UVRAG: variants seen among roughly 807,000 people sequenced by gnomAD.
UVRAG encodes the protein UV radiation resistance associated, also known as UV radiation resistance-associated gene protein.
UVRAG carries 19 observed loss-of-function variants against 78.0 expected under a neutral mutation model. That is an observed-to-expected ratio of 0.24 (90% CI 0.17 to 0.36). The LOEUF (loss-of-function observed/expected upper bound fraction) is 0.36. Among genes scored for constraint, UVRAG ranks in the 10% least tolerant of loss-of-function variants. The probability of loss-of-function intolerance (pLI) is 1.00; values close to 1 mark genes in which losing one functional copy is unlikely to be tolerated. For missense variants in UVRAG, 740 were observed against 853.8 expected (o/e 0.87, Z 1.66); for synonymous variants, 323 against 324.6 (o/e 1.00, Z 0.05).
intron 2 of UVRAG, among the ~76,000 whole-genome samples, chr11:75,856,654 T>C (rs938808002): frequency 3.9e-5 from 6 of 152,124 alleles, no homozygotes; most frequent in African/African-American, 1.4e-4. Flanking sequence ...CCATGTTGTC[T>C]AGGCTGGTCC....
intron 1 of UVRAG, among the ~76,000 whole-genome samples, chr11:75,846,897 C>T (rs1470844420): frequency 2.6e-5 from 4 of 151,936 alleles, no homozygotes; most frequent in African/African-American, 9.7e-5. Flanking sequence ...GATCTCAGCT[C>T]ACTGCAACCT....
intron 6 of UVRAG, among the ~76,000 whole-genome samples, chr11:75,938,897 A>G (rs1302981374): frequency 6.6e-6 from 1 of 151,962 alleles, no homozygotes. Flanking sequence ...GGACTCCTAA[A>G]TCTTTCTTCT....
chr11:75,843,326 A>C (rs956308928), intron 1 of UVRAG, among the ~76,000 whole-genome samples: 1 of 152,240 alleles, frequency 6.6e-6, no homozygotes, highest in Non-Finnish European at 1.5e-5. Flanking sequence ...ATGTTTAATA[A>C]AGTGAAACAT....
chr11:76,065,897 A>G, intron 13 of UVRAG, 109 bp downstream of exon 13: 1 of 927,778 alleles, frequency 1.1e-6, no homozygotes, highest in Non-Finnish European at 1.7e-6. Flanking sequence ...CCTCGCATTT[A>G]ACCAGTTACA....
chr11:76,036,516 G>T (rs1020247825), intron 12 of UVRAG, among the ~76,000 whole-genome samples: 2 of 152,042 alleles, frequency 1.3e-5, no homozygotes, highest in African/African-American at 4.8e-5. Context: ...ACTTCAACTT[G>T]TGCAATAGAG....
chr11:76,051,271 C>T (rs1316102773), intron 12 of UVRAG, among the ~76,000 whole-genome samples: 19 of 150,798 alleles, frequency 1.3e-4, no homozygotes, highest in African/African-American at 4.4e-4. Flanking sequence ...TTTTTCTTAA[C>T]ATTTACAGAT....
chr11:76,034,501 A>G (rs1591158599), intron 12 of UVRAG, among the ~76,000 whole-genome samples: 1 of 152,102 alleles, frequency 6.6e-6, no homozygotes, highest in East Asian at 1.9e-4. Flanking sequence ...CACCTGGCCC[A>G]TTATTTTATT....
At chr11:75,967,830 C>G (rs937375253) in intron 7 of UVRAG, among the ~76,000 whole-genome samples, 3 of 152,116 alleles carry the variant, frequency 2.0e-5, no homozygotes, top group Non-Finnish European at 4.4e-5. Context: ...CCATCATACA[C>G]TTATGAGAAA....
chr11:75,978,517 G>T (rs1022670577), intron 7 of UVRAG, among the ~76,000 whole-genome samples: 4 of 152,194 alleles, frequency 2.6e-5, no homozygotes, highest in Admixed American at 2.6e-4. Flanking sequence ...ATCAGACATA[G>T]ATTTGGTCTT....
intron 13 of UVRAG, among the ~76,000 whole-genome samples, chr11:76,091,960 A>T (rs1023428246): frequency 8.6e-5 from 13 of 151,938 alleles, no homozygotes; most frequent in African/African-American, 3.1e-4. Context: ...CATTGGGTAT[A>T]TCTCCTAATG....
chr11:75,970,450 G>A (rs1246058265), intron 7 of UVRAG, among the ~76,000 whole-genome samples: 1 of 152,010 alleles, frequency 6.6e-6, no homozygotes. Flanking sequence ...TAGGCAGAAA[G>A]GGCCGGGCAT....
At position 75,837,184 on chromosome 11, in the gene UVRAG, G is replaced by A. The variant is rs144777499; in HGVS notation, c.118-14699G>A. ...CCACTAAAAATACAAAAAATTAGCC[G>A]AGCGTGGTGGCAGGCACCTGTAGTC... On this transcript the variant is annotated intron_variant, in intron 1 of 14. Coordinates refer to ENST00000356136, the MANE Select transcript of UVRAG (RefSeq NM_003369.4). Among the ~76,000 whole-genome samples, 764 of 152,162 alleles carry A rather than the reference G, an allele frequency of 5.0e-3. 4 individuals are homozygous for A. The highest frequency in any genetic ancestry group is 0.017 in the African/African-American group (692 of 41,526).
chr11:75,827,203 GT>G (rs531233422), intron 1 of UVRAG, among the ~76,000 whole-genome samples: 7,627 of 145,744 alleles, frequency 0.052, 656 homozygotes, highest in African/African-American at 0.18. Context: ...CTTATGATCT[GT>G]TTTTTTTTTT....
chr11:76,137,247 C>T (rs1327404138), intron 14 of UVRAG: 4 of 438,778 alleles, frequency 9.1e-6, no homozygotes, highest in Admixed American at 2.6e-5. Flanking sequence ...GTGGCCACTG[C>T]GGGCAGGGGC....
chr11:76,065,149 C>A (rs1413349835), intron 12 of UVRAG, among the ~76,000 whole-genome samples: 4 of 152,232 alleles, frequency 2.6e-5, no homozygotes, highest in Admixed American at 2.0e-4. Context: ...AGCCTTATGG[C>A]ATGAGCACAT....
intron 12 of UVRAG, among the ~76,000 whole-genome samples, chr11:76,042,499 G>C (rs1461654694): frequency 1.3e-5 from 2 of 152,100 alleles, no homozygotes; most frequent in Non-Finnish European, 2.9e-5. Flanking sequence ...CTCTCTTCTT[G>C]GGTATGTGGA....
intron 2 of UVRAG, among the ~76,000 whole-genome samples, chr11:75,859,734 A>C (rs1590942934): frequency 6.6e-6 from 1 of 152,186 alleles, no homozygotes; most frequent in Non-Finnish European, 1.5e-5. Flanking sequence ...TTGTGCTATA[A>C]ATTTTATTGA....
At chr11:76,073,561 T>A (rs1190289338) in intron 13 of UVRAG, among the ~76,000 whole-genome samples, 1 of 152,188 alleles carries the variant, frequency 6.6e-6, no homozygotes, top group African/African-American at 2.4e-5. Context: ...ATGTGATTTT[T>A]AAATAGTTTA....
At chr11:75,947,625 G>A (rs1216164274) in intron 6 of UVRAG, among the ~76,000 whole-genome samples, 1 of 152,150 alleles carries the variant, frequency 6.6e-6, no homozygotes. Flanking sequence ...TATTTAACAT[G>A]TAAGGTGTTA....
Sources: gnomAD v4.1 joint callset for allele counts (sites outside exome capture counted in the v4.1 genomes callset) on GRCh38, gnomAD v4.1.1 for gene constraint, MANE v1.5 for transcripts, NCBI Gene and HGNC (gene_info 2026-07-23, HGNC 2026-07-21) for gene names.